The following MYCN variants were observed in gnomAD, a reference collection of about 807,000 sequenced individuals.
MYCN encodes MYCN proto-oncogene, bHLH transcription factor.
In MYCN, 3 loss-of-function variants were observed where a neutral mutation model predicts 28.1. The ratio of observed to expected loss-of-function variants is 0.11; its 90% CI spans 0.05 to 0.28. MYCN has a LOEUF of 0.28. MYCN is among the 10% of genes least tolerant of loss of function. The pLI, the probability that MYCN is intolerant of heterozygous loss-of-function variation, is 1.00. For synonymous variants in MYCN, 326 were observed against 288.3 expected, an observed-to-expected ratio of 1.13 and a Z score of -1.32; for missense variants, 572 against 651.4, an observed-to-expected ratio of 0.88 and a Z score of 1.33.
In MYCN at chr2:15,942,479, G is replaced by T. The variant is rs1436402823; in HGVS notation, c.415G>T (p.Gly139Trp). 2 of 1,563,520 alleles carry T rather than the reference G, an allele frequency of 1.3e-6. No homozygotes were observed. The highest frequency in any genetic ancestry group is 8.6e-7 in the Non-Finnish European group (1 of 1,160,592). The change falls in exon 2 of 3, where the codon GGG becomes TGG. Residue 139 changes from glycine to tryptophan, a missense_variant. Transcript: ENST00000281043. This position sits in a 1 kb window ranked among gnomAD's most constrained non-coding sequence, Gnocchi z 7.0. ...AVSEKLQHGR[G>W]PPTAGSTAQS... Reference sequence around the variant, plus strand: ...GAGCGAGAAGCTGCAGCACGGCCGCGGGCCGCCAACCGCCGGTTCCACCGC... The same window carrying T: ...GAGCGAGAAGCTGCAGCACGGCCGCTGGCCGCCAACCGCCGGTTCCACCGC...
chr2:15,946,350 T>G lies in MYCN; in HGVS notation c.*253T>G. ...TGACAGCGCTAAACGTTGGTGACGG[T>G]TGGGAGCCTCTGGGGCTGTTGAAGT... On this transcript the variant is annotated 3_prime_UTR_variant, in exon 3 of 3. Coordinates refer to ENST00000281043, the MANE Select transcript of MYCN (RefSeq NM_005378.6). The G allele has an allele frequency of 1.8e-6, 1 of 549,954 alleles. No homozygotes were observed. Among genetic ancestry groups the G allele is most frequent in the South Asian group, 2.0e-5 (1 of 49,204 alleles). The allele number at this position is 549,954 out of a possible 1,614,324, so 34.1% of individuals were successfully genotyped here. A position where few individuals can be genotyped will look rare whatever the true frequency, so the allele number is the denominator to read the frequency against.
In MYCN at chr2:15,945,878, G is replaced by A. The variant is rs780712669; in HGVS notation, c.1176G>A (p.Gln392=). 5.0e-6 allele frequency: 8 copies of A among 1,614,102 alleles called. No homozygotes were observed. The highest frequency in any genetic ancestry group is 1.6e-4 in the Middle Eastern group (1 of 6,062). ...GAAACCACAACATCCTGGAGCGCCA[G>A]CGCCGCAACGACCTTCGGTCCAGCT... ...RRRNHNILER[Q]RRNDLRSSFL... Residue 392 remains glutamine (Q), a synonymous_variant, in exon 3 of 3, where the codon CAG becomes CAA. Transcript: ENST00000281043. This position sits in a 1 kb window ranked among gnomAD's most constrained non-coding sequence, Gnocchi z 4.8.
chr2:15,944,080 G>T (rs1044244621), intron 2 of MYCN, among the ~76,000 whole-genome samples: 7 of 152,048 alleles, frequency 4.6e-5, no homozygotes, highest in Non-Finnish European at 7.4e-5. Flanking sequence ...TAATGTCTGT[G>T]CCTTGACAGC....
Position 15,942,343 on chromosome 2 carries a change from G to A in MYCN, c.279G>A (p.Glu93=), listed in dbSNP as rs151113760. 1.6e-5 allele frequency: 25 copies of A among 1,607,352 alleles called. No homozygotes were observed. In the Admixed American group the frequency reaches 3.4e-4, roughly 22 times the overall value. ...ACGAGCTGTGGGGCAGCCCGGCCGAGGAGGACGCGTTCGGCCTGGGGGGAC... is the reference window on the plus strand; with the variant it reads ...ACGAGCTGTGGGGCAGCCCGGCCGAAGAGGACGCGTTCGGCCTGGGGGGAC... ...LENELWGSPA[E]EDAFGLGGLG... Residue 93 remains glutamate (E), a synonymous_variant, in exon 2 of 3, where the codon GAG becomes GAA. Coordinates refer to ENST00000281043, the MANE Select transcript of MYCN (RefSeq NM_005378.6). The surrounding 1 kb of genome is among the most constrained non-coding windows in gnomAD (Gnocchi z 7.0).
Position 15,943,843 on chromosome 2 carries a change from C to T in MYCN, c.790+989C>T, listed in dbSNP as rs571853071. On this transcript the variant is annotated intron_variant, in intron 2 of 2. Coordinates refer to ENST00000281043, the MANE Select transcript of MYCN (RefSeq NM_005378.6). ...CTTAAGCTGAAGGGAAGAGTTAAAA[C>T]CAAGCCTTTCCCTGGGGGTCTGGAT... Among the ~76,000 whole-genome samples the T allele has an allele frequency of 2.6e-5, 4 of 152,274 alleles. No homozygotes were observed. The East Asian group carries it at 7.7e-4, about 29-fold the overall frequency.
In MYCN at chr2:15,942,383, C is replaced by G. The variant is rs758657333; in HGVS notation, c.319C>G (p.Pro107Ala). ...CCTGGGGGGACTGGGTGGCCTCACC[C>G]CCAACCCGGTCATCCTCCAGGACTG... ...FGLGGLGGLT[P>A]NPVILQDCMW... The change falls in exon 2 of 3, where the codon CCC becomes GCC. Residue 107 changes from proline (P) to alanine (A), a missense_variant. By Grantham distance (27) the Pro-to-Ala change is conservative. Around this residue, in one of 3 missense-constraint regions of MYCN, gnomAD observed 499 missense variants for 524.3 expected, o/e 0.95. Transcript: ENST00000281043. The surrounding 1 kb of genome is among the most constrained non-coding windows in gnomAD (Gnocchi z 7.0). 6.2e-7 allele frequency: 1 copy of G among 1,607,640 alleles called. No homozygotes were observed. The highest frequency in any genetic ancestry group is 1.1e-5 in the South Asian group (1 of 90,512).
At position 15,942,923 on chromosome 2, in the gene MYCN, G is replaced by A. The variant is rs1299155301; in HGVS notation, c.790+69G>A. ...ACCCCGGGTCGCGTCCCCTTTGTTA[G>A]TGCTCGTATGTCTTGGCCTGGGGAG... On this transcript the variant is annotated intron_variant, in intron 2 of 2. Transcript: ENST00000281043. The surrounding 1 kb of genome is among the most constrained non-coding windows in gnomAD (Gnocchi z 7.0). 2.7e-6 allele frequency: 4 copies of A among 1,508,068 alleles called. No individual in the cohort carries two copies. The African/African-American group carries it at 5.5e-5, about 21-fold the overall frequency. 93.4% of individuals were successfully genotyped at this position (1,508,068 alleles called of 1,614,324 possible). A position where few individuals can be genotyped will look rare whatever the true frequency, so the allele number is the denominator to read the frequency against.
chr2:15,943,212 G>C (rs1662760994), intron 2 of MYCN, among the ~76,000 whole-genome samples: 1 of 152,080 alleles, frequency 6.6e-6, no homozygotes, highest in Non-Finnish European at 1.5e-5. Flanking sequence ...GGGGTTTAGG[G>C]GGTTGCTGGG....
In MYCN at chr2:15,941,897, C is replaced by G. The variant is rs528719242; in HGVS notation, c.-117-51C>G. On this transcript the variant is annotated intron_variant, in intron 1 of 2. Transcript: ENST00000281043. The surrounding 1 kb of genome is among the most constrained non-coding windows in gnomAD (Gnocchi z 4.8). ...TAGAGGGGGCGCCCATTGCCTATCC[C>G]CTCGGTCTGCCCCGTTTGCCCACCC... 3 of 771,184 alleles carry G rather than the reference C, an allele frequency of 3.9e-6. No homozygotes were observed. 47.8% of individuals were successfully genotyped at this position (771,184 alleles called of 1,614,324 possible). A position where few individuals can be genotyped will look rare whatever the true frequency, so the allele number is the denominator to read the frequency against.
rs529677821 is a variant in MYCN at position 15,941,810 on chromosome 2, C to T, written c.-117-138C>T. 1.4e-5 allele frequency: 8 copies of T among 590,438 alleles called. No homozygotes were observed. In the South Asian group the frequency reaches 1.4e-4, roughly 10 times the overall value. 36.6% of individuals were successfully genotyped at this position (590,438 alleles called of 1,614,324 possible). On this transcript the variant is annotated intron_variant, in intron 1 of 2. Transcript: ENST00000281043. This position sits in a 1 kb window ranked among gnomAD's most constrained non-coding sequence, Gnocchi z 4.8. ...AGGGAGGGAGCGAGAGGCACAACTTCCTCCACCTTCGGGAGCAGTGGGCAG... is the reference window on the plus strand; with the variant it reads ...AGGGAGGGAGCGAGAGGCACAACTTTCTCCACCTTCGGGAGCAGTGGGCAG...
At position 15,941,785 on chromosome 2, in the gene MYCN, A is replaced by C; in HGVS notation, c.-117-163A>C. ...AGCTTGTACACAAAAGGAGGGCGGG[A>C]GGGAGGGAGCGAGAGGCACAACTTC... On this transcript the variant is annotated intron_variant, in intron 1 of 2. Coordinates refer to ENST00000281043, the MANE Select transcript of MYCN (RefSeq NM_005378.6). The surrounding 1 kb of genome is among the most constrained non-coding windows in gnomAD (Gnocchi z 4.8). The C allele has an allele frequency of 1.9e-6, 1 of 534,736 alleles. No homozygotes were observed. Among genetic ancestry groups the C allele is most frequent in the Non-Finnish European group, 3.4e-6 (1 of 298,112 alleles). The allele number at this position is 534,736 out of a possible 1,614,324, so 33.1% of individuals were successfully genotyped here.
rs1662833874 is a variant in MYCN at position 15,945,378 on chromosome 2, G to A, written c.791-115G>A. On this transcript the variant is annotated intron_variant, in intron 2 of 2. Transcript: ENST00000281043. The surrounding 1 kb of genome is among the most constrained non-coding windows in gnomAD (Gnocchi z 4.8). ...CTATGTTGATGGACCCATAAAAATA[G>A]CAGTCTGCCAGGGTCTGCCGGAAGA... is the stretch of plus-strand genomic sequence containing the variant. 2 of 1,216,108 alleles carry A rather than the reference G, an allele frequency of 1.6e-6. No homozygotes were observed. Among genetic ancestry groups the A allele is most frequent in the African/African-American group, 3.0e-5 (2 of 66,394 alleles). 75.3% of individuals were successfully genotyped at this position (1,216,108 alleles called of 1,614,324 possible).
intron 2 of MYCN, among the ~76,000 whole-genome samples, chr2:15,943,483 TGGCCAGCAGGCGGCGATATGCGA>T (rs998630055): frequency 6.7e-6 from 1 of 150,044 alleles, no homozygotes; most frequent in African/African-American, 2.5e-5. Flanking sequence ...TCCTGGTGCG[TGGCCAGCAGGCGGCGATATGCGA>T]GGCCAGCAGG....
rs769401203 is a variant in MYCN at position 15,942,322 on chromosome 2, G to C, written c.258G>C (p.Glu86Asp). 1 of 1,608,614 alleles carries C rather than the reference G, an allele frequency of 6.2e-7. No homozygotes were observed. Among genetic ancestry groups the C allele is most frequent in the Non-Finnish European group, 8.5e-7 (1 of 1,178,252 alleles). Residue 86 changes from glutamate (E) to aspartate (D), a missense_variant, in exon 2 of 3, where the codon GAG becomes GAC. Transcript: ENST00000281043. This position sits in a 1 kb window ranked among gnomAD's most constrained non-coding sequence, Gnocchi z 7.0. ...TCACGGAGATGCTGCTTGAGAACGA[G>C]CTGTGGGGCAGCCCGGCCGAGGAGG... ...SWVTEMLLEN[E>D]LWGSPAEEDA... is the part of the protein sequence containing the mutation.
Position 15,941,813 on chromosome 2 carries a change from C to G in MYCN, c.-117-135C>G, listed in dbSNP as rs547906514. 1 of 591,968 alleles carries G rather than the reference C, an allele frequency of 1.7e-6. No homozygotes were observed. Among genetic ancestry groups the G allele is most frequent in the East Asian group, 2.8e-5 (1 of 35,614 alleles). 36.7% of individuals were successfully genotyped at this position (591,968 alleles called of 1,614,324 possible). ...GAGGGAGCGAGAGGCACAACTTCCT[C>G]CACCTTCGGGAGCAGTGGGCAGAGT... On this transcript the variant is annotated intron_variant, in intron 1 of 2. Transcript: ENST00000281043. The surrounding 1 kb of genome is among the most constrained non-coding windows in gnomAD (Gnocchi z 4.8).
Position 15,941,782 on chromosome 2 carries a change from G to T in MYCN, c.-117-166G>T. The T allele has an allele frequency of 1.8e-6, 1 of 566,242 alleles. No individual in the cohort carries two copies. The highest frequency in any genetic ancestry group is 3.2e-6 in the Non-Finnish European group (1 of 314,928). 35.1% of individuals were successfully genotyped at this position (566,242 alleles called of 1,614,324 possible). Reference sequence around the variant, plus strand: ...GACAGCTTGTACACAAAAGGAGGGCGGGAGGGAGGGAGCGAGAGGCACAAC... The same window carrying T: ...GACAGCTTGTACACAAAAGGAGGGCTGGAGGGAGGGAGCGAGAGGCACAAC... On this transcript the variant is annotated intron_variant, in intron 1 of 2. Transcript: ENST00000281043. This position sits in a 1 kb window ranked among gnomAD's most constrained non-coding sequence, Gnocchi z 4.8.
Position 15,946,084 on chromosome 2 carries a change from C to T in MYCN, c.1382C>T (p.Ala461Val). The change falls in exon 3 of 3, where the codon GCT becomes GTT. Residue 461 changes from alanine (A) to valine (V), a missense_variant. Ala to Val is a moderately conservative substitution (Grantham distance 64). This residue lies in a region of MYCN where 61 missense variants were observed against 81.6 expected (regional missense o/e 0.75). Coordinates refer to ENST00000281043, the MANE Select transcript of MYCN (RefSeq NM_005378.6). Reference protein sequence around the residue: ...QQQLLKKIEHARTC With the variant: ...QQQLLKKIEHVRTC ...CAGTTGCTAAAGAAAATTGAACACG[C>T]TCGGACTTGCTAGACGCTTCTCAAA... is the stretch of plus-strand genomic sequence containing the variant. The T allele has an allele frequency of 6.2e-7, 1 of 1,614,180 alleles. No individual in the cohort carries two copies. The highest frequency in any genetic ancestry group is 8.5e-7 in the Non-Finnish European group (1 of 1,180,044).
rs562066563 is a variant in MYCN at position 15,945,567 on chromosome 2, T to G, written c.865T>G (p.Ser289Ala). ...VVTVEKRRSS[S>A]NTKAVTTFTI... Reference sequence around the variant, plus strand: ...CACTGTGGAGAAGCGGCGTTCCTCCTCCAACACCAAGGCTGTCACCACATT... The same window carrying G: ...CACTGTGGAGAAGCGGCGTTCCTCCGCCAACACCAAGGCTGTCACCACATT... The change falls in exon 3 of 3, where the codon TCC becomes GCC. Residue 289 changes from serine (S) to alanine (A), a missense_variant. This residue lies in a region of MYCN where 499 missense variants were observed against 524.3 expected (regional missense o/e 0.95). Transcript: ENST00000281043. This position sits in a 1 kb window ranked among gnomAD's most constrained non-coding sequence, Gnocchi z 4.8. 1 of 1,614,088 alleles carries G rather than the reference T, an allele frequency of 6.2e-7. No individual in the cohort carries two copies. Among genetic ancestry groups the G allele is most frequent in the South Asian group, 1.1e-5 (1 of 91,072 alleles).
Position 15,942,420 on chromosome 2 carries a change from G to T in MYCN, c.356G>T (p.Gly119Val). Reference sequence around the variant, plus strand: ...ATCCTCCAGGACTGCATGTGGAGCGGCTTCTCCGCCCGCGAGAAGCTGGAG... The same window carrying T: ...ATCCTCCAGGACTGCATGTGGAGCGTCTTCTCCGCCCGCGAGAAGCTGGAG... ...PVILQDCMWS[G>V]FSAREKLERA... The change falls in exon 2 of 3, where the codon GGC becomes GTC. Residue 119 changes from glycine (G) to valine (V), a missense_variant. Physicochemically the swap from Gly to Val is moderately radical, Grantham distance 109. Coordinates refer to ENST00000281043, the MANE Select transcript of MYCN (RefSeq NM_005378.6). The surrounding 1 kb of genome is among the most constrained non-coding windows in gnomAD (Gnocchi z 7.0). 1 of 1,602,710 alleles carries T rather than the reference G, an allele frequency of 6.2e-7. No individual in the cohort carries two copies.
Sources: allele counts gnomAD v4.1 joint callset (sites outside exome capture counted in the v4.1 genomes callset), GRCh38; gene constraint gnomAD v4.1.1; regional missense constraint gnomAD v4.1.1; non-coding constraint Gnocchi (gnomAD v3.1); transcripts MANE v1.5; gene names NCBI Gene and HGNC (gene_info 2026-07-23, HGNC 2026-07-21).